The following LRSAM1 variants were observed in gnomAD, a reference collection of about 807,000 sequenced individuals.
LRSAM1 encodes the protein leucine rich repeat and sterile alpha motif containing 1, also known as E3 ubiquitin-protein ligase LRSAM1.
A neutral mutation model predicts 118.1 loss-of-function variants in LRSAM1; 96 were observed. The observed-to-expected ratio is 0.81, with a 90% CI of 0.69 to 0.96. The LOEUF (loss-of-function observed/expected upper bound fraction) is 0.96. Among genes scored for constraint, LRSAM1 ranks in the 40% least tolerant of loss-of-function variants. The pLI, the probability that LRSAM1 is intolerant of heterozygous loss-of-function variation, is 0.00. For synonymous variants in LRSAM1, 322 were observed against 364.2 expected, an observed-to-expected ratio of 0.88 and a Z score of 1.32; for missense variants, 804 against 915.5, an observed-to-expected ratio of 0.88 and a Z score of 1.57.
At chr9:127,468,099 C>T (rs943176963) in intron 10 of LRSAM1, among the ~76,000 whole-genome samples, 9 of 152,162 alleles carry the variant, frequency 5.9e-5, no homozygotes, top group African/African-American at 1.9e-4. Flanking sequence ...TCCACTGACA[C>T]GGAGTCATGG....
At chr9:127,459,093 C>G in intron 7 of LRSAM1, 22 bp downstream of exon 7, 1 of 1,612,146 alleles carries the variant, frequency 6.2e-7, no homozygotes, top group Non-Finnish European at 8.5e-7. Flanking sequence ...GAAACAGAAA[C>G]CCACCTCGGA....
rs183820865 is a variant in LRSAM1, at chr9:127,472,832, G to A, written c.620-969G>A. Among the ~76,000 whole-genome samples, 314 of 152,156 alleles carry A rather than the reference G, an allele frequency of 2.1e-3. 3 individuals are homozygous for A. Among genetic ancestry groups the A allele is most frequent in the Admixed American group, 7.2e-3 (110 of 15,276 alleles). ...TTCATGTGGTGGCACCTGTAGCTTCGTAGCCATCCCTGTTGGAAGGCATTT... is the reference window on the plus strand; with the variant it reads ...TTCATGTGGTGGCACCTGTAGCTTCATAGCCATCCCTGTTGGAAGGCATTT... On this transcript the variant is annotated intron_variant, in intron 10 of 25. Coordinates refer to ENST00000300417, the MANE Select transcript of LRSAM1 (RefSeq NM_001005373.4).
At chr9:127,458,298 C>T (rs891119735) in intron 6 of LRSAM1, among the ~76,000 whole-genome samples, 2 of 151,694 alleles carry the variant, frequency 1.3e-5, no homozygotes, top group African/African-American at 4.8e-5. Flanking sequence ...AGGAGAATGG[C>T]GTGAACCCGG....
intron 20 of LRSAM1, among the ~76,000 whole-genome samples, chr9:127,491,813 T>C (rs1340580209): frequency 5.9e-5 from 9 of 152,224 alleles, no homozygotes; most frequent in Non-Finnish European, 1.3e-4. Flanking sequence ...GCTGGCGTCC[T>C]GGACTGGATG....
chr9:127,456,732 G>C (rs1834533601), intron 5 of LRSAM1, among the ~76,000 whole-genome samples: 1 of 152,088 alleles, frequency 6.6e-6, no homozygotes, highest in African/African-American at 2.4e-5. Flanking sequence ...TGGGTGTGGT[G>C]GCATGCGCCT....
Position 127,500,358 on chromosome 9 carries a change from C to CAAAAAAAA in LRSAM1, c.1913-642_1913-635dup, listed in dbSNP as rs563842364. Among the ~76,000 whole-genome samples the CAAAAAAAA allele has an allele frequency of 2.2e-4, 21 of 93,518 alleles. 2 individuals carry two copies. Among genetic ancestry groups the CAAAAAAAA allele is most frequent in the Middle Eastern group, 7.5e-3 (1 of 134 alleles). 61.4% of individuals were successfully genotyped at this position (93,518 alleles called of 152,430 possible). A position where few individuals can be genotyped will look rare whatever the true frequency, so the allele number is the denominator to read the frequency against. On this transcript the variant is annotated intron_variant, in intron 24 of 25. Coordinates refer to ENST00000300417, the MANE Select transcript of LRSAM1 (RefSeq NM_001005373.4). ...CCTGGGTGACAGAGCGAGACTGTCT[C>CAAAAAAAA]AAAAAAAAAAAAAAAAAGAGACTTA...
In LRSAM1 at chr9:127,502,798, G is replaced by A; in HGVS notation, c.2071G>A (p.Gly691Ser). 6.2e-7 allele frequency: 1 copy of A among 1,612,548 alleles called. No homozygotes were observed. The highest frequency in any genetic ancestry group is 8.5e-7 in the Non-Finnish European group (1 of 1,179,736). ...REAQMIFLNC[G>S]HVCCCQQCCQ... is the part of the protein sequence containing the mutation. ...GGCCCAGATGATCTTCCTCAACTGT[G>A]GCCACGTCTGCTGCTGCCAGCAGTG... Residue 691 changes from glycine (G) to serine (S), a missense_variant, in exon 26 of 26, where the codon GGC becomes AGC. Gly to Ser is a moderately conservative substitution (Grantham distance 56, BLOSUM62 0). Coordinates refer to ENST00000300417, the MANE Select transcript of LRSAM1 (RefSeq NM_001005373.4).
intron 4 of LRSAM1, 29 bp from the exon 5 acceptor site, chr9:127,455,547 G>T: frequency 6.2e-7 from 1 of 1,613,136 alleles, no homozygotes; most frequent in Non-Finnish European, 8.5e-7. Context: ...CAGGAGGGGA[G>T]ACACTTACTC....
At position 127,497,316 on chromosome 9, in the gene LRSAM1, G is replaced by C. The variant is rs1455536565; in HGVS notation, c.1894G>C (p.Ala632Pro). The change falls in exon 24 of 26, where the codon GCA (alanine) becomes CCA (proline). Residue 632 changes from alanine to proline, a missense_variant. Physicochemically the swap from Ala to Pro is conservative, Grantham distance 27 (BLOSUM62 -1). Transcript: ENST00000300417. ...ILRRVQELLD[A>P]ARIQPELKPP... ...CCGGAGAGTCCAGGAACTGCTGGAT[G>C]CAGCCAGGATCCAGCCAGGTACAAG... 1.2e-6 allele frequency: 2 copies of C among 1,612,404 alleles called. No individual in the cohort carries two copies. The highest frequency in any genetic ancestry group is 2.2e-5 in the South Asian group (2 of 91,092).
intron 14 of LRSAM1, 58 bp downstream of exon 14, chr9:127,480,036 G>C: frequency 6.2e-7 from 1 of 1,611,638 alleles, no homozygotes; most frequent in African/African-American, 1.3e-5. Context: ...GTCCCCTGAG[G>C]AGCCGGGAGG....
intron 16 of LRSAM1, 148 bp from the exon 17 acceptor site, chr9:127,485,588 G>T (rs1003671217): frequency 5.4e-6 from 4 of 746,768 alleles, no homozygotes; most frequent in Admixed American, 4.0e-5. Flanking sequence ...GGAACAAAGG[G>T]TTTTTTTTAA....
At position 127,501,115 on chromosome 9, in the gene LRSAM1, C is replaced by G; in HGVS notation, c.2018C>G (p.Ser673Ter). The G allele has an allele frequency of 6.2e-7, 1 of 1,613,726 alleles. No homozygotes were observed. The highest frequency in any genetic ancestry group is 8.5e-7 in the Non-Finnish European group (1 of 1,180,018). The change falls in exon 25 of 26, where the codon TCA becomes TGA. Residue 673 changes from serine (S) to a stop codon, truncating the protein, a stop_gained. Coordinates refer to ENST00000300417, the MANE Select transcript of LRSAM1 (RefSeq NM_001005373.4). LOFTEE classifies it high-confidence loss of function. ...APPAELEVQA[S>*]ECVVCLEREA... Reference sequence around the variant, plus strand: ...CCTGCAGAGCTGGAGGTGCAGGCCTCAGAGTGTGTCGTGTGCCTGGAACGG... The same window carrying G: ...CCTGCAGAGCTGGAGGTGCAGGCCTGAGAGTGTGTCGTGTGCCTGGAACGG...
chr9:127,483,523 T>TG (rs1159568589), intron 16 of LRSAM1, among the ~76,000 whole-genome samples: 1 of 152,078 alleles, frequency 6.6e-6, no homozygotes, highest in Non-Finnish European at 1.5e-5. Flanking sequence ...CCATATGCTG[T>TG]GGCACTCTGC....
chr9:127,465,197 T>C lies in LRSAM1; in HGVS notation c.529-2543T>C, dbSNP rs1050848014. Among the ~76,000 whole-genome samples the C allele has an allele frequency of 3.9e-5, 6 of 152,136 alleles. No individual in the cohort carries two copies. Among genetic ancestry groups the C allele is most frequent in the African/African-American group, 1.4e-4 (6 of 41,430 alleles). ...AAGCAAACACATGGCCAGCATGCAA[T>C]GAGCCGGGATCTGAAGCCATGGCGG... On this transcript the variant is annotated intron_variant, in intron 9 of 25. Coordinates refer to ENST00000300417, the MANE Select transcript of LRSAM1 (RefSeq NM_001005373.4). This position sits in a 1 kb window ranked among gnomAD's most constrained non-coding sequence, Gnocchi z 4.1.
chr9:127,459,475 T>A (rs1735799635), intron 7 of LRSAM1, among the ~76,000 whole-genome samples: 1 of 152,146 alleles, frequency 6.6e-6, no homozygotes, highest in Admixed American at 6.5e-5. Context: ...CACTTTGGCC[T>A]CCCAAAGTGC....
chr9:127,459,000 C>A lies in LRSAM1; in HGVS notation c.253-3C>A. The A allele has an allele frequency of 6.2e-7, 1 of 1,613,590 alleles. No individual in the cohort carries two copies. The highest frequency in any genetic ancestry group is 8.5e-7 in the Non-Finnish European group (1 of 1,179,970). On this transcript the variant is annotated splice_region_variant and splice_polypyrimidine_tract_variant and intron_variant, in intron 6 of 25. Coordinates refer to ENST00000300417, the MANE Select transcript of LRSAM1 (RefSeq NM_001005373.4). ...GAGACTCACAGGGGTCTTTCTTCTG[C>A]AGGTTCTAGATCTCCACGATAATCA...
At position 127,465,134 on chromosome 9, in the gene LRSAM1, G is replaced by A. The variant is rs1385061944; in HGVS notation, c.529-2606G>A. 6.6e-6 allele frequency among the ~76,000 whole-genome samples: 1 copy of A among 152,154 alleles called. No homozygotes were observed. The highest frequency in any genetic ancestry group is 1.9e-4 in the East Asian group (1 of 5,188). ...TCGGTAACACTGCCTGTTTGGCTAT[G>A]AGGAGACCACAGCCCCAGGACACTA... On this transcript the variant is annotated intron_variant, in intron 9 of 25. Transcript: ENST00000300417. This position sits in a 1 kb window ranked among gnomAD's most constrained non-coding sequence, Gnocchi z 4.1.
intron 10 of LRSAM1, among the ~76,000 whole-genome samples, chr9:127,472,794 C>T (rs144196759): frequency 6.6e-4 from 101 of 152,280 alleles, no homozygotes; most frequent in South Asian, 2.3e-3. Flanking sequence ...TCCCCTTAAA[C>T]TGGTCACAGG....
intron 19 of LRSAM1, among the ~76,000 whole-genome samples, chr9:127,490,301 AT>A (rs1835888831): frequency 1.4e-5 from 2 of 146,510 alleles, no homozygotes; most frequent in East Asian, 4.0e-4. Flanking sequence ...TACCTTTTTA[AT>A]TTCCCTCTTT....
Sources: allele counts gnomAD v4.1 joint callset (sites outside exome capture counted in the v4.1 genomes callset), GRCh38; gene constraint gnomAD v4.1.1; non-coding constraint Gnocchi (gnomAD v3.1); transcripts MANE v1.5; gene names NCBI Gene and HGNC (gene_info 2026-07-23, HGNC 2026-07-21).